Variants in DCC observed in about 807,000 individuals in gnomAD.
DCC encodes DCC netrin 1 receptor.
A neutral mutation model predicts 172.5 loss-of-function variants in DCC; 58 were observed. The observed-to-expected ratio is 0.34, with a 90% confidence interval of 0.27 to 0.42. The LOEUF is 0.42. DCC is among the 10% of genes least tolerant of loss of function. DCC has a pLI of 1.00. For synonymous variants in DCC, 709 were observed against 644.5 expected (o/e 1.10, Z -1.52); for missense variants, 1,740 against 1,791.0 (o/e 0.97, Z 0.51).
intron 1 of DCC, among the ~76,000 whole-genome samples, chr18:52,417,031 T>C (rs1987059556): frequency 6.6e-6 from 1 of 152,210 alleles, no homozygotes; most frequent in South Asian, 2.1e-4. Context: ...TCTCCATATT[T>C]AGTGCTTCCT....
intron 5 of DCC, among the ~76,000 whole-genome samples, chr18:52,999,514 C>T (rs1224405240): frequency 1.3e-5 from 2 of 152,016 alleles, no homozygotes; most frequent in Admixed American, 6.6e-5. Context: ...GCTTCAGTGA[C>T]TAAGAAAGTG....
chr18:52,350,125 G>T (rs1001681336), intron 1 of DCC, among the ~76,000 whole-genome samples: 7 of 152,186 alleles, frequency 4.6e-5, no homozygotes, highest in Non-Finnish European at 7.3e-5. Flanking sequence ...TAGTACAATA[G>T]TTACTGAGCC....
intron 24 of DCC, among the ~76,000 whole-genome samples, chr18:53,463,938 T>G (rs1201447192): frequency 1.3e-5 from 2 of 152,154 alleles, no homozygotes; most frequent in Non-Finnish European, 2.9e-5. Context: ...TTATTGAGAG[T>G]TAATTTTTTA....
intron 1 of DCC, among the ~76,000 whole-genome samples, chr18:52,599,723 A>C (rs2033979671): frequency 6.6e-6 from 1 of 152,104 alleles, no homozygotes; most frequent in Non-Finnish European, 1.5e-5. Context: ...CATGTTGGTC[A>C]GGCTAGTCTC....
chr18:53,121,160 G>C (rs1220198422), intron 7 of DCC, among the ~76,000 whole-genome samples: 4 of 151,930 alleles, frequency 2.6e-5, no homozygotes, highest in Non-Finnish European at 4.4e-5. Flanking sequence ...ATGATAAAGT[G>C]AGAAAAATTA....
chr18:53,363,413 TA>T (rs2057969410), intron 15 of DCC, among the ~76,000 whole-genome samples: 1 of 152,220 alleles, frequency 6.6e-6, no homozygotes, highest in Non-Finnish European at 1.5e-5. Flanking sequence ...ATGAAAGTTC[TA>T]ACCAGCTTTT....
At chr18:53,468,372 T>TTTTA (rs2045651911) in intron 25 of DCC, among the ~76,000 whole-genome samples, 2 of 126,672 alleles carry the variant, frequency 1.6e-5, no homozygotes, top group Non-Finnish European at 3.5e-5. Context: ...ATTTTATTTA[T>TTTTA]TTATTTATTT....
At chr18:52,665,964 T>C (rs2035452922) in intron 1 of DCC, among the ~76,000 whole-genome samples, 1 of 152,154 alleles carries the variant, frequency 6.6e-6, no homozygotes, top group African/African-American at 2.4e-5. Context: ...TCAAATTCTC[T>C]AATATGATTG....
chr18:53,357,027 C>T (rs1352791467), intron 15 of DCC, among the ~76,000 whole-genome samples: 1 of 152,086 alleles, frequency 6.6e-6, no homozygotes, highest in Non-Finnish European at 1.5e-5. Flanking sequence ...CATATTTTGT[C>T]TGTTTGCTTT....
intron 7 of DCC, among the ~76,000 whole-genome samples, chr18:53,093,611 T>G (rs1057275643): frequency 1.2e-4 from 19 of 152,344 alleles, no homozygotes; most frequent in African/African-American, 4.6e-4. Context: ...GGATTTAGAT[T>G]CTGACCTTCC....
At chr18:53,175,793 C>G (rs1327215320) in intron 8 of DCC, among the ~76,000 whole-genome samples, 1 of 151,800 alleles carries the variant, frequency 6.6e-6, no homozygotes, top group African/African-American at 2.4e-5. Context: ...CATCAAGCTA[C>G]CAATGCCTTT....
rs1568114326 is a variant in DCC, at chr18:53,410,449, C to T, written c.2936-3C>T. 4 of 1,588,138 alleles carry T rather than the reference C, an allele frequency of 2.5e-6. No homozygotes were observed. Among genetic ancestry groups the T allele is most frequent in the Non-Finnish European group, 3.5e-6 (4 of 1,156,502 alleles). ...ATTAAGTCACATTTGTCTATTTATG[C>T]AGCTTACATCTTATTTTATACCTTG... On this transcript the variant is annotated splice_polypyrimidine_tract_variant and splice_region_variant and intron_variant, in intron 19 of 28. Coordinates refer to ENST00000442544, the MANE Select transcript of DCC (RefSeq NM_005215.4).
intron 8 of DCC, among the ~76,000 whole-genome samples, chr18:53,169,832 T>A (rs1319249525): frequency 6.6e-6 from 1 of 152,104 alleles, no homozygotes; most frequent in Non-Finnish European, 1.5e-5. Context: ...ATCTGCCCAT[T>A]TACAGAGGGG....
chr18:52,412,065 A>G (rs1986862331), intron 1 of DCC, among the ~76,000 whole-genome samples: 1 of 152,100 alleles, frequency 6.6e-6, no homozygotes, highest in African/African-American at 2.4e-5. Context: ...GTGCACACCT[A>G]ACTCTTTTAC....
chr18:53,110,813 A>G (rs1195493317), intron 7 of DCC, among the ~76,000 whole-genome samples: 1 of 126,196 alleles, frequency 7.9e-6, no homozygotes, highest in Non-Finnish European at 1.7e-5. Context: ...ACTGTAAACT[A>G]GTTCAACCAT....
rs374611553 is a variant in DCC at position 53,476,527 on chromosome 18, T to C, written c.3736+8517T>C. On this transcript the variant is annotated intron_variant, in intron 25 of 28. Transcript: ENST00000442544. ...AGCCCTCTTCTCTTTTCTGCTGCCA[T>C]GTGAGATGTGCCTTTTCCCTTCTGC... 1.3e-4 allele frequency among the ~76,000 whole-genome samples: 20 copies of C among 152,348 alleles called. No homozygotes were observed. The East Asian group carries it at 2.3e-3, about 18-fold the overall frequency.
chr18:53,292,525 A>G (rs931143806), intron 12 of DCC, among the ~76,000 whole-genome samples: 1 of 152,092 alleles, frequency 6.6e-6, no homozygotes, highest in Admixed American at 6.5e-5. Flanking sequence ...TGTCTCCACT[A>G]AACATACAAA....
chr18:52,810,797 A>G (rs1455941608), intron 2 of DCC, among the ~76,000 whole-genome samples: 1 of 152,188 alleles, frequency 6.6e-6, no homozygotes, highest in Non-Finnish European at 1.5e-5. Context: ...CAAGTTCTCA[A>G]TCTAGTCTGA....
chr18:53,103,699 G>T (rs997155870), intron 7 of DCC, among the ~76,000 whole-genome samples: 4 of 151,960 alleles, frequency 2.6e-5, no homozygotes, highest in South Asian at 2.1e-4. Flanking sequence ...TAGGATTATT[G>T]TTCCTCTAAT....
Sources: allele counts gnomAD v4.1 joint callset (sites outside exome capture counted in the v4.1 genomes callset), GRCh38; gene constraint gnomAD v4.1.1; transcripts MANE v1.5; gene names NCBI Gene and HGNC (gene_info 2026-07-23, HGNC 2026-07-21).